SEPTIN11: variants seen among roughly 807,000 people sequenced by gnomAD.
The protein encoded by SEPTIN11 is septin 11.
A neutral mutation model predicts 51.4 loss-of-function variants in SEPTIN11; 25 were observed. The observed-to-expected ratio is 0.49, with a 90% CI of 0.35 to 0.68. The LOEUF is 0.68. SEPTIN11 is among the 30% of genes least tolerant of loss of function. The pLI, the probability that SEPTIN11 is intolerant of heterozygous loss-of-function variation, is 0.00. For missense variants in SEPTIN11, 381 were observed against 520.8 expected, an observed-to-expected ratio of 0.73 and a Z score of 2.61; for synonymous variants, 174 against 184.1, an observed-to-expected ratio of 0.95 and a Z score of 0.44.
At position 76,967,538 on chromosome 4, in the gene SEPTIN11, C is replaced by A. The variant is rs1460469700; in HGVS notation, c.27+17608C>A. Among the ~76,000 whole-genome samples the A allele has an allele frequency of 2.6e-5, 4 of 152,258 alleles. No homozygotes were observed. The East Asian group carries it at 7.7e-4, about 29-fold the overall frequency. On this transcript the variant is annotated intron_variant, in intron 1 of 9. Transcript: ENST00000264893. ...GGGGGCCTGATGGTGCCATAGTCTT[C>A]AGTTTTTCAAAAGAAGAGATGGACA...
chr4:77,036,930 AG>A lies in SEPTIN11; in HGVS notation c.*2424del, dbSNP rs376578906. On this transcript the variant is annotated 3_prime_UTR_variant, in exon 10 of 10. Transcript: ENST00000264893. ...TGGATAGATTTTTTTTTTCTTTTCAAGGGGGGCAGGAAGGTAATGGTTTGAG... is the reference window on the plus strand; with the variant it reads ...TGGATAGATTTTTTTTTTCTTTTCAAGGGGGCAGGAAGGTAATGGTTTGAG... 1,808 of 1,329,190 alleles carry A rather than the reference AG, an allele frequency of 1.4e-3. 18 individuals are homozygous for A. The African/African-American group carries it at 0.024, about 18-fold the overall frequency. The allele number at this position is 1,329,190 out of a possible 1,614,324, so 82.3% of individuals were successfully genotyped here. A position where few individuals can be genotyped will look rare whatever the true frequency, so the allele number is the denominator to read the frequency against.
chr4:77,034,390 G>T, intron 9 of SEPTIN11, 107 bp from the exon 10 acceptor site: 1 of 979,648 alleles, frequency 1.0e-6, no homozygotes, highest in Non-Finnish European at 1.4e-6. Flanking sequence ...CATAATCATT[G>T]CATGAGCATT....
At chr4:77,020,733 T>TCA in intron 7 of SEPTIN11, 63 bp downstream of exon 7, 1 of 1,478,308 alleles carries the variant, frequency 6.8e-7, no homozygotes, top group Non-Finnish European at 9.3e-7. Context: ...TGGTGGTACA[T>TCA]CACAGAAATG....
chr4:76,998,951 G>A (rs1055713405), intron 2 of SEPTIN11, among the ~76,000 whole-genome samples: 1 of 152,098 alleles, frequency 6.6e-6, no homozygotes, highest in Non-Finnish European at 1.5e-5. Flanking sequence ...CAAGAAGACA[G>A]GATCAGAAAG....
At chr4:77,022,908 G>A (rs1435055080) in intron 7 of SEPTIN11, among the ~76,000 whole-genome samples, 3 of 145,038 alleles carry the variant, frequency 2.1e-5, no homozygotes, top group Non-Finnish European at 3.0e-5. Flanking sequence ...CATCTTGACT[G>A]GGTTCCTTAG....
In SEPTIN11 at chr4:77,034,619, C is replaced by G; in HGVS notation, c.*107C>G. The stretch of plus-strand genomic sequence containing the variant: ...TATTTTATTTTATTTTATTTTTTTA[C>G]CCTTCCTCAAACACCAGTAACTATT... On this transcript the variant is annotated 3_prime_UTR_variant, in exon 10 of 10. Transcript: ENST00000264893. 7.2e-7 allele frequency: 1 copy of G among 1,385,160 alleles called. No homozygotes were observed. The highest frequency in any genetic ancestry group is 9.4e-7 in the Non-Finnish European group (1 of 1,069,040). 85.8% of individuals were successfully genotyped at this position (1,385,160 alleles called of 1,614,324 possible). A position where few individuals can be genotyped will look rare whatever the true frequency, so the allele number is the denominator to read the frequency against.
intron 1 of SEPTIN11, among the ~76,000 whole-genome samples, chr4:76,973,488 C>G (rs961354486): frequency 6.6e-6 from 1 of 152,184 alleles, no homozygotes; most frequent in Admixed American, 6.5e-5. Flanking sequence ...AGAGGAGGGC[C>G]CTCTCCCAAG....
intron 7 of SEPTIN11, among the ~76,000 whole-genome samples, chr4:77,022,305 A>G (rs1284425645): frequency 2.0e-5 from 3 of 152,202 alleles, no homozygotes. Context: ...GCTAGGAGTC[A>G]GGAGTTTGGG....
chr4:76,995,359 C>T (rs898392233), intron 1 of SEPTIN11, among the ~76,000 whole-genome samples: 7 of 151,366 alleles, frequency 4.6e-5, no homozygotes, highest in East Asian at 3.9e-4. Context: ...TCCAACCTGG[C>T]GACAGAGTGA....
At chr4:76,965,323 C>A (rs1721991017) in intron 1 of SEPTIN11, among the ~76,000 whole-genome samples, 1 of 151,710 alleles carries the variant, frequency 6.6e-6, no homozygotes, top group Non-Finnish European at 1.5e-5. Context: ...TGGTGGCGTG[C>A]ACCTGTAGTC....
intron 7 of SEPTIN11, among the ~76,000 whole-genome samples, chr4:77,025,073 A>G (rs916429791): frequency 6.6e-6 from 1 of 151,972 alleles, no homozygotes; most frequent in Non-Finnish European, 1.5e-5. Flanking sequence ...TTTGACTTCA[A>G]CAAGCAAAAC....
chr4:76,981,005 T>G (rs1169543142), intron 1 of SEPTIN11, among the ~76,000 whole-genome samples: 1 of 152,238 alleles, frequency 6.6e-6, no homozygotes, highest in African/African-American at 2.4e-5. Context: ...TCCCATACTC[T>G]TAATCTATCA....
chr4:76,974,577 A>G (rs991724362), intron 1 of SEPTIN11: 2 of 365,434 alleles, frequency 5.5e-6, no homozygotes, highest in South Asian at 2.1e-5. Flanking sequence ...CTACAAACCC[A>G]AGGACAGTAG....
intron 8 of SEPTIN11, 84 bp from the exon 9 acceptor site, chr4:77,030,697 GTT>G: frequency 7.6e-7 from 1 of 1,312,874 alleles, no homozygotes; most frequent in South Asian, 1.5e-5. Flanking sequence ...GCCTGGCCAT[GTT>G]TTGTTTTTTG....
At chr4:77,019,117 C>G (rs751997773) in intron 5 of SEPTIN11, 48 bp from the exon 6 acceptor site, 2 of 1,539,188 alleles carry the variant, frequency 1.3e-6, no homozygotes, top group South Asian at 2.4e-5. Context: ...GGAAACCAGT[C>G]TGTCAGAGCA....
chr4:77,019,531 T>C (rs1725544954), intron 6 of SEPTIN11, among the ~76,000 whole-genome samples: 1 of 152,124 alleles, frequency 6.6e-6, no homozygotes, highest in Admixed American at 6.5e-5. Context: ...AAAGTCCTGA[T>C]TGAAAAATAG....
In SEPTIN11 at chr4:77,037,621, C is replaced by A. The variant is rs951733538; in HGVS notation, c.*3109C>A. 5 of 985,340 alleles carry A rather than the reference C, an allele frequency of 5.1e-6. No homozygotes were observed. The African/African-American group carries it at 8.7e-5, about 17-fold the overall frequency. 61.0% of individuals were successfully genotyped at this position (985,340 alleles called of 1,614,324 possible). A position where few individuals can be genotyped will look rare whatever the true frequency, so the allele number is the denominator to read the frequency against. ...CACCTCTTTTTTGGGGATTGAGGGG[C>A]CTACATAACTAGCTGGCCTTACCCC... On this transcript the variant is annotated 3_prime_UTR_variant, in exon 10 of 10. Coordinates refer to ENST00000264893, the MANE Select transcript of SEPTIN11 (RefSeq NM_018243.4).
Position 77,037,899 on chromosome 4 carries a change from C to A in SEPTIN11, c.*3387C>A, listed in dbSNP as rs984425652. ...CTTCCTTCTCTGCTTTGTGACTCACCAGCAGTAACACACACAATCCACATC... is the reference window on the plus strand; with the variant it reads ...CTTCCTTCTCTGCTTTGTGACTCACAAGCAGTAACACACACAATCCACATC... On this transcript the variant is annotated 3_prime_UTR_variant, in exon 10 of 10. Coordinates refer to ENST00000264893, the MANE Select transcript of SEPTIN11 (RefSeq NM_018243.4). 2 of 985,740 alleles carry A rather than the reference C, an allele frequency of 2.0e-6. No homozygotes were observed. Among genetic ancestry groups the A allele is most frequent in the Non-Finnish European group, 2.4e-6 (2 of 829,952 alleles). 61.1% of individuals were successfully genotyped at this position (985,740 alleles called of 1,614,324 possible).
intron 9 of SEPTIN11, among the ~76,000 whole-genome samples, chr4:77,033,004 G>C (rs548189484): frequency 1.6e-4 from 25 of 152,268 alleles, no homozygotes; most frequent in Non-Finnish European, 2.9e-4. Flanking sequence ...TTATTTTGAA[G>C]GATATTATAC....
Sources: gnomAD v4.1 joint callset for allele counts (sites outside exome capture counted in the v4.1 genomes callset) on GRCh38, gnomAD v4.1.1 for gene constraint, MANE v1.5 for transcripts, NCBI Gene and HGNC (gene_info 2026-07-23, HGNC 2026-07-21) for gene names.